The following ALK variants were observed in gnomAD, a reference collection of about 807,000 sequenced individuals.
The protein encoded by ALK is ALK receptor tyrosine kinase.
Under a neutral mutation model 163.1 loss-of-function variants are expected in ALK, and 74 were observed. That is an observed-to-expected ratio of 0.45 (90% confidence interval 0.38 to 0.55). ALK has a LOEUF of 0.55. Ranked by LOEUF, ALK falls within the 20% of genes least tolerant of loss-of-function variation. The pLI, the probability that ALK is intolerant of heterozygous loss-of-function variation, is 0.00. For synonymous variants in ALK, 960 were observed against 843.2 expected, an observed-to-expected ratio of 1.14 and a Z score of -2.40; for missense variants, 2,063 against 2,105.3, an observed-to-expected ratio of 0.98 and a Z score of 0.39.
intron 3 of ALK, among the ~76,000 whole-genome samples, chr2:29,656,922 G>A (rs941735057): frequency 3.4e-4 from 51 of 152,178 alleles, no homozygotes; most frequent in African/African-American, 1.1e-3. Flanking sequence ...CTTTTTTCCT[G>A]CTTATATAAA....
rs1487769564 is a variant in ALK at position 29,193,248 on chromosome 2, A to C, written c.4839T>G (p.Asn1613Lys). 4 of 1,614,140 alleles carry C rather than the reference A, an allele frequency of 2.5e-6. No individual in the cohort carries two copies. The Admixed American group carries it at 5.0e-5, about 20-fold the overall frequency. Residue 1613 changes from asparagine to lysine, a missense_variant, in exon 29 of 29, where the codon AAT becomes AAG. Coordinates refer to ENST00000389048, the MANE Select transcript of ALK (RefSeq NM_004304.5). The stretch of plus-strand genomic sequence containing the variant: ...CTCAGGGCCCAGGCTGGTTCATGCT[A>C]TTCTTGCTTTTCAGAATGGTATCCT... Reference protein sequence around the residue: ...HYEDTILKSKNSMNQPGP With the variant: ...HYEDTILKSKKSMNQPGP
intron 3 of ALK, among the ~76,000 whole-genome samples, chr2:29,604,837 T>G (rs943530729): frequency 8.5e-5 from 13 of 152,320 alleles, no homozygotes; most frequent in Admixed American, 7.2e-4. Flanking sequence ...AGTGCCTTGT[T>G]TCAGCTCACC....
chr2:29,801,742 T>A (rs978441488), intron 1 of ALK, among the ~76,000 whole-genome samples: 26 of 152,204 alleles, frequency 1.7e-4, no homozygotes, highest in African/African-American at 6.3e-4. Context: ...AAAGGGCTCC[T>A]AGAAATTATC....
At chr2:29,383,289 T>C (rs1424646244) in intron 5 of ALK, among the ~76,000 whole-genome samples, 1 of 152,082 alleles carries the variant, frequency 6.6e-6, no homozygotes, top group East Asian at 1.9e-4. Flanking sequence ...TCACCTGGTA[T>C]CATTCAGAAC....
chr2:29,446,420 T>C (rs1670685957), intron 4 of ALK, among the ~76,000 whole-genome samples: 1 of 152,166 alleles, frequency 6.6e-6, no homozygotes, highest in Admixed American at 6.5e-5. Flanking sequence ...ACACAGGTTT[T>C]TGTGAGACTT....
At position 29,626,386 on chromosome 2, in the gene ALK, C is replaced by G. The variant is rs994574311; in HGVS notation, c.952+68464G>C. 2.0e-5 allele frequency among the ~76,000 whole-genome samples: 3 copies of G among 152,130 alleles called. No homozygotes were observed. In the East Asian group the frequency reaches 5.8e-4, roughly 29 times the overall value. On this transcript the variant is annotated intron_variant, in intron 3 of 28. Transcript: ENST00000389048. ...TCAAGAGATCTGATGGTTTTATAAA[C>G]AGGAGCTCCCCTGCACAAGCTCTCT...
intron 4 of ALK, among the ~76,000 whole-genome samples, chr2:29,459,095 C>T (rs1671025257): frequency 6.6e-6 from 1 of 152,068 alleles, no homozygotes; most frequent in Admixed American, 6.6e-5. Flanking sequence ...CTTCTGATGC[C>T]ATCTAACATA....
At position 29,814,381 on chromosome 2, in the gene ALK, C is replaced by A. The variant is rs555855318; in HGVS notation, c.668-96684G>T. Among the ~76,000 whole-genome samples the A allele has an allele frequency of 1.1e-4, 16 of 152,096 alleles. 1 individual carries two copies. Among genetic ancestry groups the A allele is most frequent in the Admixed American group, 2.6e-4 (4 of 15,274 alleles). ...AGTTAAGAGTCAGGCATGACCAAGG[C>A]CGGGCACGGTGGCTCACACCTGTAA... On this transcript the variant is annotated intron_variant, in intron 1 of 28. Coordinates refer to ENST00000389048, the MANE Select transcript of ALK (RefSeq NM_004304.5).
At chr2:29,468,853 CAA>C (rs70958265) in intron 4 of ALK, among the ~76,000 whole-genome samples, 387 of 30,860 alleles carry the variant, frequency 0.013, 1 homozygote, top group African/African-American at 0.047. Context: ...GACCCTGCCT[CAA>C]AAAAAAAAAA....
intron 9 of ALK, among the ~76,000 whole-genome samples, chr2:29,284,328 G>A (rs892099709): frequency 6.6e-6 from 1 of 152,054 alleles, no homozygotes; most frequent in African/African-American, 2.4e-5. Flanking sequence ...CGGGGGTGGG[G>A]GCAGCATAGA....
chr2:29,231,835 A>G (rs1104869), intron 15 of ALK, among the ~76,000 whole-genome samples: 124,165 of 152,104 alleles, frequency 0.82, 52,176 homozygotes, highest in Non-Finnish European at 0.91. Context: ...GAGGGAGGAG[A>G]GCTCAGCCGT....
intron 13 of ALK, among the ~76,000 whole-genome samples, chr2:29,239,322 G>A (rs553807406): frequency 6.6e-6 from 1 of 152,286 alleles, no homozygotes; most frequent in Admixed American, 6.5e-5. Context: ...TCTGGAGAAG[G>A]AGCTGGGGGT....
chr2:29,267,109 AC>A (rs1255103114), intron 11 of ALK, among the ~76,000 whole-genome samples: 1 of 143,534 alleles, frequency 7.0e-6, no homozygotes, highest in African/African-American at 2.6e-5. Flanking sequence ...TCCCCACCCC[AC>A]CCCCTCGTCC....
chr2:29,303,245 AAAG>A (rs1278460965), intron 8 of ALK, among the ~76,000 whole-genome samples: 9 of 152,240 alleles, frequency 5.9e-5, no homozygotes, highest in Admixed American at 5.2e-4. Context: ...ACACTTCTCA[AAAG>A]AAGACATACA....
intron 1 of ALK, among the ~76,000 whole-genome samples, chr2:29,752,343 CTTTTCT>C (rs1680389530): frequency 7.2e-6 from 1 of 138,296 alleles, no homozygotes; most frequent in African/African-American, 2.8e-5. Flanking sequence ...CTGCTATTTT[CTTTTCT>C]TTTTTTTTTT....
Position 29,599,519 on chromosome 2 carries a change from G to T in ALK, c.953-67403C>A, listed in dbSNP as rs181709208. 2.7e-4 allele frequency among the ~76,000 whole-genome samples: 41 copies of T among 152,320 alleles called. No individual in the cohort carries two copies. The East Asian group carries it at 7.7e-3, about 29-fold the overall frequency. On this transcript the variant is annotated intron_variant, in intron 3 of 28. Transcript: ENST00000389048. ...GCTGTTGAATGAGTTGGCTTTTGGGGTACAAGAATGTGTGTGACCAGGGCT... is the reference window on the plus strand; with the variant it reads ...GCTGTTGAATGAGTTGGCTTTTGGGTTACAAGAATGTGTGTGACCAGGGCT...
chr2:29,796,462 G>A (rs1443768201), intron 1 of ALK, among the ~76,000 whole-genome samples: 1 of 152,134 alleles, frequency 6.6e-6, no homozygotes, highest in Non-Finnish European at 1.5e-5. Context: ...TGGGAAGATG[G>A]CAATCTGAAA....
chr2:29,497,241 C>T (rs1055654284), intron 4 of ALK, among the ~76,000 whole-genome samples: 2 of 151,818 alleles, frequency 1.3e-5, no homozygotes, highest in Non-Finnish European at 2.9e-5. Flanking sequence ...CACTGCACTC[C>T]TGCCTGGGCA....
intron 1 of ALK, among the ~76,000 whole-genome samples, chr2:29,730,162 A>C (rs1472776749): frequency 6.6e-6 from 1 of 152,210 alleles, no homozygotes; most frequent in East Asian, 1.9e-4. Context: ...CCGAGAAAGC[A>C]AAGGCTGTCC....
Sources: allele counts gnomAD v4.1 joint callset (sites outside exome capture counted in the v4.1 genomes callset), GRCh38; gene constraint gnomAD v4.1.1; transcripts MANE v1.5; gene names NCBI Gene and HGNC (gene_info 2026-07-23, HGNC 2026-07-21).